RHOBTB1: variants seen among roughly 807,000 people sequenced by gnomAD.
The protein encoded by RHOBTB1 is Rho related BTB domain containing 1.
In RHOBTB1, 40 loss-of-function variants were observed where a neutral mutation model predicts 71.6. That is an observed-to-expected ratio of 0.56 (90% CI 0.43 to 0.73). The LOEUF is 0.73. Among genes scored for constraint, RHOBTB1 ranks in the 30% least tolerant of loss-of-function variants. RHOBTB1 has a pLI of 0.00. For synonymous variants in RHOBTB1, 319 were observed against 334.9 expected (o/e 0.95, Z 0.52); for missense variants, 797 against 894.0 (o/e 0.89, Z 1.38).
At chr10:60,919,865 C>T (rs1029309356) in intron 2 of RHOBTB1, among the ~76,000 whole-genome samples, 2 of 152,192 alleles carry the variant, frequency 1.3e-5, no homozygotes, top group African/African-American at 4.8e-5. Context: ...TAGAAACCAA[C>T]CTTCTTTTCT....
chr10:60,998,080 C>A (rs541278042), intron 1 of RHOBTB1, among the ~76,000 whole-genome samples: 8 of 152,156 alleles, frequency 5.3e-5, no homozygotes, highest in African/African-American at 1.9e-4. Context: ...GTTTCCTCTG[C>A]CGTAAAATAT....
intron 1 of RHOBTB1, among the ~76,000 whole-genome samples, chr10:60,987,595 T>G (rs1368625617): frequency 6.6e-6 from 1 of 152,136 alleles, no homozygotes; most frequent in African/African-American, 2.4e-5. Flanking sequence ...GGCAATGACC[T>G]CTCATCTAAT....
chr10:60,936,518 G>T (rs1394344310), intron 2 of RHOBTB1, among the ~76,000 whole-genome samples: 1 of 152,176 alleles, frequency 6.6e-6, no homozygotes, highest in Non-Finnish European at 1.5e-5. Context: ...AAGATTCCAT[G>T]ACTCTATTAT....
chr10:60,952,858 G>A (rs1023116103), intron 2 of RHOBTB1, among the ~76,000 whole-genome samples: 24 of 151,980 alleles, frequency 1.6e-4, no homozygotes, highest in African/African-American at 5.3e-4. Flanking sequence ...CAGGATTCTC[G>A]GGGTCCTTGA....
intron 2 of RHOBTB1, among the ~76,000 whole-genome samples, chr10:60,932,513 TAAAA>T (rs3049595): frequency 4.6e-5 from 5 of 107,966 alleles, no homozygotes; most frequent in Non-Finnish European, 5.5e-5. Flanking sequence ...TTTCTTAAAG[TAAAA>T]AAAAAAAAAA....
chr10:60,976,543 T>G (rs1247937658), intron 2 of RHOBTB1, among the ~76,000 whole-genome samples: 1 of 151,936 alleles, frequency 6.6e-6, no homozygotes, highest in Non-Finnish European at 1.5e-5. Context: ...GAAACAAATA[T>G]TTCAGTGACA....
chr10:60,997,876 T>C (rs1381745586), intron 1 of RHOBTB1, among the ~76,000 whole-genome samples: 1 of 152,254 alleles, frequency 6.6e-6, no homozygotes, highest in Non-Finnish European at 1.5e-5. Context: ...TTACTGCTGT[T>C]GACTGGGTGG....
At chr10:60,949,065 G>A (rs925495831), upstream of RHOBTB1, among the ~76,000 whole-genome samples, 1 of 152,160 alleles carries the variant, frequency 6.6e-6, no homozygotes, top group Admixed American at 6.5e-5. Context: ...AGGAAAGACT[G>A]ACTGTTCTGA....
upstream of RHOBTB1, among the ~76,000 whole-genome samples, chr10:60,947,597 TG>T (rs1281163739): frequency 3.3e-5 from 5 of 152,318 alleles, no homozygotes; most frequent in East Asian, 3.9e-4. Context: ...TTTGTTTGTT[TG>T]TTTTTTTACT....
chr10:60,882,641 C>T (rs1393651370), intron 7 of RHOBTB1, among the ~76,000 whole-genome samples: 3 of 151,982 alleles, frequency 2.0e-5, no homozygotes, highest in Admixed American at 2.0e-4. Flanking sequence ...TGGCTGGCAT[C>T]AGATTTTCAG....
At chr10:60,986,414 T>G (rs1374389802) in intron 1 of RHOBTB1, among the ~76,000 whole-genome samples, 1 of 144,102 alleles carries the variant, frequency 6.9e-6, no homozygotes, top group Non-Finnish European at 1.5e-5. Flanking sequence ...GATATATATA[T>G]ATATATATAT....
At chr10:60,921,290 C>T (rs191495523) in intron 2 of RHOBTB1, among the ~76,000 whole-genome samples, 2 of 152,256 alleles carry the variant, frequency 1.3e-5, no homozygotes, top group African/African-American at 4.8e-5. Flanking sequence ...ACTGAGACTG[C>T]TGTATGTACA....
chr10:60,979,167 C>A (rs1250588625), intron 2 of RHOBTB1, among the ~76,000 whole-genome samples: 2 of 152,112 alleles, frequency 1.3e-5, no homozygotes, highest in South Asian at 4.1e-4. Context: ...AACTAATCCT[C>A]TTTTGTTTTT....
intron 4 of RHOBTB1, among the ~76,000 whole-genome samples, chr10:60,902,114 C>T (rs2082441564): frequency 6.6e-6 from 1 of 152,196 alleles, no homozygotes; most frequent in South Asian, 2.1e-4. Flanking sequence ...TTTTTCCCTT[C>T]TGGGTAGAAT....
chr10:60,864,142 C>A, the RHOBTB1 span, among the ~76,000 whole-genome samples: 26 of 152,270 alleles, frequency 1.7e-4, no homozygotes, highest in African/African-American at 6.3e-4. Flanking sequence ...CCTTTCCAGT[C>A]GCCCCCTTCC....
chr10:60,915,962 C>A (rs1184975264), intron 2 of RHOBTB1, among the ~76,000 whole-genome samples: 2 of 152,160 alleles, frequency 1.3e-5, no homozygotes, highest in Non-Finnish European at 2.9e-5. Context: ...ATATTGTTGT[C>A]ATCCAGAAAC....
At chr10:60,899,838 C>T (rs957511001) in intron 4 of RHOBTB1, among the ~76,000 whole-genome samples, 2 of 151,998 alleles carry the variant, frequency 1.3e-5, no homozygotes, top group African/African-American at 4.8e-5. Flanking sequence ...TGCTAAGTGC[C>T]AATTAGAAAA....
chr10:60,947,653 A>G (rs556417102), upstream of RHOBTB1, among the ~76,000 whole-genome samples: 199 of 152,322 alleles, frequency 1.3e-3, no homozygotes, highest in African/African-American at 4.3e-3. Flanking sequence ...GAATGTATCA[A>G]TAGTTCATTC....
downstream of RHOBTB1, among the ~76,000 whole-genome samples, chr10:60,865,720 C>T (rs779728362): frequency 6.6e-6 from 1 of 152,192 alleles, no homozygotes; most frequent in Non-Finnish European, 1.5e-5. Flanking sequence ...TGCATATTGT[C>T]TTAGTGCTAA....
Sources: allele counts gnomAD v4.1 joint callset (sites outside exome capture counted in the v4.1 genomes callset), GRCh38; gene constraint gnomAD v4.1.1; transcripts MANE v1.5; gene names NCBI Gene and HGNC (gene_info 2026-07-23, HGNC 2026-07-21).